Variants in KIF26A observed in about 807,000 individuals in gnomAD.
KIF26A encodes the protein kinesin-like protein KIF26A.
A neutral mutation model predicts 126.0 loss-of-function variants in KIF26A; 74 were observed. That is an observed-to-expected ratio of 0.59 (90% CI 0.49 to 0.71). KIF26A has a LOEUF of 0.71. KIF26A is among the 30% of genes least tolerant of loss of function. KIF26A has a pLI of 0.00. For missense variants in KIF26A, 2,984 were observed against 2,763.3 expected (o/e 1.08, Z -1.79); for synonymous variants, 1,445 against 1,232.7 (o/e 1.17, Z -3.61).
rs751374393 is a variant in KIF26A, at chr14:104,177,824, C to T, written c.5036C>T (p.Ser1679Phe). Residue 1679 changes from serine (S) to phenylalanine (F), a missense_variant, in exon 12 of 15, where the codon TCC (serine) becomes TTC (phenylalanine). Physicochemically the swap from Ser to Phe is radical, Grantham distance 155 (BLOSUM62 -2). Coordinates refer to ENST00000423312, the MANE Select transcript of KIF26A (RefSeq NM_015656.2). ...GGCAGCGCCTCCTCCGCCCCTGACTCCATGAGCGAGAGTGGGGCTGCCTCC... is the reference window on the plus strand; with the variant it reads ...GGCAGCGCCTCCTCCGCCCCTGACTTCATGAGCGAGAGTGGGGCTGCCTCC... ...ATGSASSAPD[S>F]MSESGAASPG... 1.3e-6 allele frequency: 2 copies of T among 1,568,812 alleles called. No individual in the cohort carries two copies. The highest frequency in any genetic ancestry group is 1.7e-6 in the Non-Finnish European group (2 of 1,165,212).
At chr14:104,174,940 T>C (rs1313175679) in intron 11 of KIF26A, 42 bp from the exon 12 acceptor site, 1 of 1,481,048 alleles carries the variant, frequency 6.8e-7, no homozygotes, top group Admixed American at 2.2e-5. Context: ...CGGGGGCGTG[T>C]AGGGGAGACT....
chr14:104,147,147 C>G (rs2037687743), intron 2 of KIF26A, among the ~76,000 whole-genome samples: 1 of 152,172 alleles, frequency 6.6e-6, no homozygotes, highest in Non-Finnish European at 1.5e-5. Flanking sequence ...GAGCATGCCT[C>G]TGAGCATTGG....
Position 104,167,579 on chromosome 14 carries a change from C to T in KIF26A, c.1113+531C>T, listed in dbSNP as rs1374019098. Reference sequence around the variant, plus strand: ...AGTGATGGGACAGGCTGGCTCCTGGCTGTCCCTGGAGCTCTGAGCCTGGGG... The same window carrying T: ...AGTGATGGGACAGGCTGGCTCCTGGTTGTCCCTGGAGCTCTGAGCCTGGGG... On this transcript the variant is annotated intron_variant, in intron 5 of 14. Transcript: ENST00000423312. Among the ~76,000 whole-genome samples, 4 of 152,188 alleles carry T rather than the reference C, an allele frequency of 2.6e-5. No individual in the cohort carries two copies. In the East Asian group the frequency reaches 7.7e-4, roughly 29 times the overall value.
At position 104,165,801 on chromosome 14, in the gene KIF26A, A is replaced by G. The variant is rs1300950543; in HGVS notation, c.924-1058A>G. On this transcript the variant is annotated intron_variant, in intron 4 of 14. Coordinates refer to ENST00000423312, the MANE Select transcript of KIF26A (RefSeq NM_015656.2). Reference sequence around the variant, plus strand: ...TGTGTCTCTGTGTCTCTGTGTGCATATGTGTGTCTGTGTGTTTCTGTGTGC... The same window carrying G: ...TGTGTCTCTGTGTCTCTGTGTGCATGTGTGTGTCTGTGTGTTTCTGTGTGC... Among the ~76,000 whole-genome samples the G allele has an allele frequency of 1.0e-4, 14 of 138,520 alleles. No homozygotes were observed. In the South Asian group the frequency reaches 2.8e-3, roughly 28 times the overall value. The allele number at this position is 138,520 out of a possible 152,430, so 90.9% of individuals were successfully genotyped here. A position where few individuals can be genotyped will look rare whatever the true frequency, so the allele number is the denominator to read the frequency against.
Position 104,148,093 on chromosome 14 carries a change from G to T in KIF26A, c.289-3922G>T, listed in dbSNP as rs2037695849. ...CCATGGGCAGTGGCTTGGCTGGAGT[G>T]GGGAGACTTCTCTCCTGCAGTGACG... On this transcript the variant is annotated intron_variant, in intron 2 of 14. Coordinates refer to ENST00000423312, the MANE Select transcript of KIF26A (RefSeq NM_015656.2). This position sits in a 1 kb window ranked among gnomAD's most constrained non-coding sequence, Gnocchi z 4.3. Among the ~76,000 whole-genome samples, 1 of 152,212 alleles carries T rather than the reference G, an allele frequency of 6.6e-6. No individual in the cohort carries two copies. Among genetic ancestry groups the T allele is most frequent in the Non-Finnish European group, 1.5e-5 (1 of 68,036 alleles).
Position 104,177,095 on chromosome 14 carries a change from C to T in KIF26A, c.4307C>T (p.Ala1436Val), listed in dbSNP as rs377460771. Residue 1436 changes from alanine to valine, a missense_variant, in exon 12 of 15, where the codon GCG (alanine) becomes GTG (valine). Physicochemically the swap from Ala to Val is moderately conservative, Grantham distance 64. Coordinates refer to ENST00000423312, the MANE Select transcript of KIF26A (RefSeq NM_015656.2). Reference sequence around the variant, plus strand: ...GCAGCACACCGTCTTGCCGGACACGCGTCTCTGGAGCGGTACGAAGGCCTG... The same window carrying T: ...GCAGCACACCGTCTTGCCGGACACGTGTCTCTGGAGCGGTACGAAGGCCTG... ...VEAAHRLAGH[A>V]SLERYEGLAH... 351 of 1,596,936 alleles carry T rather than the reference C, an allele frequency of 2.2e-4. No homozygotes were observed. The highest frequency in any genetic ancestry group is 1.7e-3 in the South Asian group (156 of 90,888).
rs1016431619 is a variant in KIF26A at position 104,180,473 on chromosome 14, A to G, written c.*683A>G. On this transcript the variant is annotated 3_prime_UTR_variant, in exon 15 of 15. Transcript: ENST00000423312. ...TTTTTACCAAAACCACAAGCAAAAA[A>G]CAAAACAGACCACCACGACCAACAA... 6.6e-6 allele frequency: 1 copy of G among 152,354 alleles called. No individual in the cohort carries two copies. Among genetic ancestry groups the G allele is most frequent in the African/African-American group, 2.4e-5 (1 of 41,570 alleles). The allele number at this position is 152,354 out of a possible 1,614,324, so 9.4% of individuals were successfully genotyped here.
chr14:104,144,677 C>T (rs1566854088), intron 2 of KIF26A, among the ~76,000 whole-genome samples: 2 of 152,224 alleles, frequency 1.3e-5, no homozygotes, highest in South Asian at 2.1e-4. Context: ...CTCTGGGCCG[C>T]GTGGGACTTT....
At chr14:104,144,869 C>T (rs752958864) in intron 2 of KIF26A, among the ~76,000 whole-genome samples, 4 of 152,324 alleles carry the variant, frequency 2.6e-5, no homozygotes, top group East Asian at 1.9e-4. Flanking sequence ...GTGCCTTGGT[C>T]GTGTCTGCTT....
chr14:104,178,083 C>T (rs570136641), intron 12 of KIF26A, among the ~76,000 whole-genome samples, 185 bp downstream of exon 12: 20 of 152,332 alleles, frequency 1.3e-4, no homozygotes, highest in Admixed American at 7.2e-4. Context: ...TGGAGGTGCA[C>T]GGCCCTCTGC....
At chr14:104,141,570 G>A (rs567279710) in intron 2 of KIF26A, among the ~76,000 whole-genome samples, 16 of 149,656 alleles carry the variant, frequency 1.1e-4, no homozygotes, top group African/African-American at 2.2e-4. Context: ...GCCTGTCTCC[G>A]TTGTAGAGGG....
chr14:104,166,142 G>T (rs540933285), intron 4 of KIF26A, among the ~76,000 whole-genome samples: 1 of 151,978 alleles, frequency 6.6e-6, no homozygotes, highest in South Asian at 2.1e-4. Context: ...GGGTGGCAGC[G>T]GGGGCACTTC....
chr14:104,153,059 G>C (rs2037745180), intron 3 of KIF26A, among the ~76,000 whole-genome samples: 1 of 152,156 alleles, frequency 6.6e-6, no homozygotes, highest in African/African-American at 2.4e-5. Context: ...CAGGCCTGGT[G>C]GTGTTTCCAG....
chr14:104,164,170 G>A (rs1192104347), intron 4 of KIF26A, among the ~76,000 whole-genome samples: 1 of 152,186 alleles, frequency 6.6e-6, no homozygotes, highest in African/African-American at 2.4e-5. Context: ...GCGAGAGGCC[G>A]GGCCCGGCTC....
Position 104,176,594 on chromosome 14 carries a change from G to T in KIF26A, c.3806G>T (p.Arg1269Leu). Residue 1269 changes from arginine to leucine, a missense_variant, in exon 12 of 15, where the codon CGG becomes CTG. Transcript: ENST00000423312. ...RAPSPTLGSP[R>L]LPEAQVMLAC... is the part of the protein sequence containing the mutation. ...CCCAGCCCCACACTTGGCTCCCCCC[G>T]GCTGCCTGAGGCCCAGGTGATGCTA... 1 of 1,608,628 alleles carries T rather than the reference G, an allele frequency of 6.2e-7. No individual in the cohort carries two copies. Among genetic ancestry groups the T allele is most frequent in the Non-Finnish European group, 8.5e-7 (1 of 1,179,586 alleles).
rs764875568 is a variant in KIF26A at position 104,179,361 on chromosome 14, G to A, written c.5442G>A (p.Leu1814=). The change falls in exon 14 of 15, where the codon CTG becomes CTA. Residue 1814 remains leucine (L), a synonymous_variant. Coordinates refer to ENST00000423312, the MANE Select transcript of KIF26A (RefSeq NM_015656.2). ...ELAETQGRLM[L]EPGRWLEQFE... The stretch of plus-strand genomic sequence containing the variant: ...CCGAGACCCAGGGCCGGCTGATGCT[G>A]GAGCCTGGCCGCTGGCTGGAGCAGT... 2.0e-6 allele frequency: 3 copies of A among 1,535,166 alleles called. No homozygotes were observed. Among genetic ancestry groups the A allele is most frequent in the Non-Finnish European group, 2.6e-6 (3 of 1,144,108 alleles).
intron 11 of KIF26A, 79 bp downstream of exon 11, chr14:104,174,389 T>C: frequency 7.3e-7 from 1 of 1,373,942 alleles, no homozygotes; most frequent in Non-Finnish European, 9.6e-7. Flanking sequence ...CTGGCCTGGT[T>C]GGGGTGGGGG....
At position 104,138,707 on chromosome 14, in the gene KIF26A, T is replaced by C; in HGVS notation, c.-16T>C. 7.9e-7 allele frequency: 1 copy of C among 1,267,804 alleles called. No individual in the cohort carries two copies. The highest frequency in any genetic ancestry group is 9.9e-7 in the Non-Finnish European group (1 of 1,007,186). The allele number at this position is 1,267,804 out of a possible 1,614,324, so 78.5% of individuals were successfully genotyped here. On this transcript the variant is annotated 5_prime_UTR_variant, in exon 1 of 15. Transcript: ENST00000423312. ...GTGGCCGGGAGCGCCTGCCGGGCTC[T>C]TCCCGCGCCCCGGCCATGGTCGGCC...
chr14:104,166,497 CT>C (rs2037904088), intron 4 of KIF26A, among the ~76,000 whole-genome samples: 1 of 152,114 alleles, frequency 6.6e-6, no homozygotes, highest in Non-Finnish European at 1.5e-5. Context: ...GTGGGAGCAG[CT>C]TTCACTGTCC....
Sources: allele counts gnomAD v4.1 joint callset (sites outside exome capture counted in the v4.1 genomes callset), GRCh38; gene constraint gnomAD v4.1.1; non-coding constraint Gnocchi (gnomAD v3.1); transcripts MANE v1.5; gene names NCBI Gene and HGNC (gene_info 2026-07-23, HGNC 2026-07-21).